Variants in MTMR10 observed in about 807,000 individuals in gnomAD.
The protein encoded by MTMR10 is myotubularin related protein 10, also known as myotubularin-related protein 10.
A neutral mutation model predicts 88.1 loss-of-function variants in MTMR10; 56 were observed. That is an observed-to-expected ratio of 0.64 (90% CI 0.51 to 0.79). The LOEUF is 0.79. Among genes scored for constraint, MTMR10 ranks in the 30% least tolerant of loss-of-function variants. MTMR10 has a pLI of 0.00. For missense variants in MTMR10, 883 were observed against 924.7 expected (o/e 0.95, Z 0.58); for synonymous variants, 380 against 340.9 (o/e 1.11, Z -1.26).
chr15:30,972,533 T>G (rs1360536567), intron 5 of MTMR10, among the ~76,000 whole-genome samples: 1 of 152,162 alleles, frequency 6.6e-6, no homozygotes, highest in Non-Finnish European at 1.5e-5. Context: ...GACGGTTTAG[T>G]AAGGCCCTCT....
chr15:30,976,255 A>G (rs1332615730), intron 3 of MTMR10, among the ~76,000 whole-genome samples: 1 of 152,056 alleles, frequency 6.6e-6, no homozygotes, highest in East Asian at 1.9e-4. Context: ...TACAACAGTT[A>G]GCCGGGAGTG....
the MTMR10 span, among the ~76,000 whole-genome samples, chr15:30,921,236 G>A: frequency 6.6e-6 from 1 of 152,064 alleles, no homozygotes; most frequent in African/African-American, 2.4e-5. Context: ...TGGGGGTGGC[G>A]GCCACCATCC....
rs764321352 is a variant in MTMR10, at chr15:30,941,281, A to C, written c.*189T>G. On this transcript the variant is annotated 3_prime_UTR_variant, in exon 16 of 16. Transcript: ENST00000435680. The stretch of plus-strand genomic sequence containing the variant: ...GTAATGACAGAAAGAGGACAGGAAC[A>C]AAATTTACATCTCTCTTAAAATAAG... 2.7e-6 allele frequency: 4 copies of C among 1,500,934 alleles called. No individual in the cohort carries two copies. In the South Asian group the frequency reaches 4.8e-5, roughly 18 times the overall value. 93.0% of individuals were successfully genotyped at this position (1,500,934 alleles called of 1,614,324 possible).
At chr15:30,934,256 TTAA>T (rs2062793770), downstream of MTMR10, among the ~76,000 whole-genome samples, 1 of 152,198 alleles carries the variant, frequency 6.6e-6, no homozygotes, top group African/African-American at 2.4e-5. Flanking sequence ...CTTCTTTTTT[TTAA>T]TGTTAACATG....
chr15:30,952,750 T>C (rs1160505540), intron 11 of MTMR10, among the ~76,000 whole-genome samples: 1 of 152,042 alleles, frequency 6.6e-6, no homozygotes, highest in African/African-American at 2.4e-5. Flanking sequence ...TCCCCAGAGC[T>C]TTGGAATTAC....
At chr15:30,948,212 A>AT (rs957499472) in intron 13 of MTMR10, 90 bp downstream of exon 13, 5 of 1,255,164 alleles carry the variant, frequency 4.0e-6, no homozygotes, top group Non-Finnish European at 5.4e-6. Flanking sequence ...TAAATACAGT[A>AT]TTTTTTAAAA....
chr15:30,950,948 G>A (rs922929522), intron 12 of MTMR10, among the ~76,000 whole-genome samples: 1 of 152,078 alleles, frequency 6.6e-6, no homozygotes, highest in African/African-American at 2.4e-5. Flanking sequence ...ATACTATACT[G>A]TTTAGAGAAT....
chr15:30,927,507 G>A, the MTMR10 span: 1 of 985,806 alleles, frequency 1.0e-6, no homozygotes, highest in East Asian at 1.1e-4. Flanking sequence ...GCAGGACAGA[G>A]GTGACCCAGG....
At position 30,991,604 on chromosome 15, in the gene MTMR10, T is replaced by A. The variant is rs182780349; in HGVS notation, c.-98A>T. ...TCAGTGCGGCCGCCCAGGCCCTTTC[T>A]GCGGCCAGCCGAGCCGGGCGGACTG... On this transcript the variant is annotated 5_prime_UTR_variant, in exon 1 of 16. Transcript: ENST00000435680. The A allele has an allele frequency of 4.3e-6, 6 of 1,398,840 alleles. No homozygotes were observed. Among genetic ancestry groups the A allele is most frequent in the Non-Finnish European group, 5.7e-6 (6 of 1,061,248 alleles). The allele number at this position is 1,398,840 out of a possible 1,614,324, so 86.7% of individuals were successfully genotyped here. A position where few individuals can be genotyped will look rare whatever the true frequency, so the allele number is the denominator to read the frequency against.
chr15:30,929,678 CATATA>C, the MTMR10 span, among the ~76,000 whole-genome samples: 26 of 46,794 alleles, frequency 5.6e-4, 1 homozygote, highest in East Asian at 2.4e-3. Flanking sequence ...TATAATATAT[CATATA>C]ATATATATAA....
chr15:30,976,559 C>A (rs1184510073), intron 3 of MTMR10, among the ~76,000 whole-genome samples: 1 of 152,154 alleles, frequency 6.6e-6, no homozygotes, highest in Admixed American at 6.5e-5. Context: ...GGAATAACTT[C>A]CTTAATGAAA....
chr15:30,972,611 A>C (rs2141044993), intron 5 of MTMR10, among the ~76,000 whole-genome samples: 1 of 152,286 alleles, frequency 6.6e-6, no homozygotes. Context: ...TGCTCTGTTC[A>C]TCTGGAAATC....
At position 30,941,149 on chromosome 15, in the gene MTMR10, G is replaced by GTGAC. The variant is rs3840035; in HGVS notation, c.*317_*320dup. ...TTGTCTGCTGCCTGGGGCTGCTAAT[G>GTGAC]TGACTGACTATCAGATAGCCTTCAG... On this transcript the variant is annotated 3_prime_UTR_variant, in exon 16 of 16. Transcript: ENST00000435680. The GTGAC allele has an allele frequency of 1.5e-6, 2 of 1,306,418 alleles. No homozygotes were observed. Among genetic ancestry groups the GTGAC allele is most frequent in the East Asian group, 5.1e-5 (1 of 19,436 alleles). The allele number at this position is 1,306,418 out of a possible 1,614,324, so 80.9% of individuals were successfully genotyped here. A position where few individuals can be genotyped will look rare whatever the true frequency, so the allele number is the denominator to read the frequency against.
chr15:30,965,612 T>A (rs959554780), intron 6 of MTMR10, among the ~76,000 whole-genome samples: 2 of 152,220 alleles, frequency 1.3e-5, no homozygotes, highest in African/African-American at 4.8e-5. Flanking sequence ...TTGTTCTTGT[T>A]TGTGCTAGTA....
At chr15:30,926,037 C>T in the MTMR10 span, 3 of 1,228,134 alleles carry the variant, frequency 2.4e-6, no homozygotes, top group Non-Finnish European at 3.5e-6. Flanking sequence ...CTCTCTCTGT[C>T]CTCTGCTCAC....
intron 2 of MTMR10, among the ~76,000 whole-genome samples, chr15:30,979,866 G>C (rs535693982): frequency 1.3e-5 from 2 of 152,210 alleles, no homozygotes; most frequent in East Asian, 3.8e-4. Flanking sequence ...CATGGCCCAC[G>C]GGCCAAATAC....
At chr15:30,927,137 A>T in the MTMR10 span, 1 of 889,912 alleles carries the variant, frequency 1.1e-6, no homozygotes, top group Non-Finnish European at 1.3e-6. Context: ...TGACCCCAGG[A>T]GGTCAAGGCT....
At chr15:30,955,330 GCA>G in intron 9 of MTMR10, among the ~76,000 whole-genome samples, 1 of 152,158 alleles carries the variant, frequency 6.6e-6, no homozygotes, top group African/African-American at 2.4e-5. Flanking sequence ...GAGTGCAGTG[GCA>G]CCATCTCGGC....
chr15:30,948,920 T>G (rs2063207176), intron 12 of MTMR10: 1 of 158,794 alleles, frequency 6.3e-6, no homozygotes, highest in Non-Finnish European at 1.4e-5. Context: ...TTATAGTTGT[T>G]GTCCTTTCCA....
Sources: gnomAD v4.1 joint callset for allele counts (sites outside exome capture counted in the v4.1 genomes callset) on GRCh38, gnomAD v4.1.1 for gene constraint, MANE v1.5 for transcripts, NCBI Gene and HGNC (gene_info 2026-07-23, HGNC 2026-07-21) for gene names.